RASL10B: variants seen among roughly 807,000 people sequenced by gnomAD.
RASL10B encodes the protein RAS like family 10 member B, also known as ras-like protein family member 10B.
A neutral mutation model predicts 20.7 loss-of-function variants in RASL10B; 10 were observed. The observed-to-expected ratio is 0.48, with a 90% CI of 0.30 to 0.82. The LOEUF is 0.82. RASL10B is among the 40% of genes least tolerant of loss of function. RASL10B has a pLI of 0.07. For synonymous variants in RASL10B, 110 were observed against 123.3 expected, an observed-to-expected ratio of 0.89 and a Z score of 0.72; for missense variants, 231 against 295.4, an observed-to-expected ratio of 0.78 and a Z score of 1.60.
chr17:35,736,228 G>A (rs2085590808), intron 2 of RASL10B, among the ~76,000 whole-genome samples: 1 of 152,228 alleles, frequency 6.6e-6, no homozygotes, highest in Admixed American at 6.5e-5. Context: ...AGGAAGCTGA[G>A]CTCTAGGACA....
Position 35,742,090 on chromosome 17 carries a change from CTTT to C in RASL10B, c.*790_*792del, listed in dbSNP as rs1358533611. On this transcript the variant is annotated 3_prime_UTR_variant, in exon 4 of 4. Coordinates refer to ENST00000603017, the MANE Select transcript of RASL10B (RefSeq NM_033315.4). ...AGCCAGATCACCCCCTGGGTTAAAA[CTTT>C]TTTTCTTTTTTTTTTTTGGACAGAG... The C allele has an allele frequency of 1.5e-5, 2 of 133,602 alleles. No individual in the cohort carries two copies. The highest frequency in any genetic ancestry group is 3.1e-5 in the Non-Finnish European group (2 of 64,330). 8.3% of individuals were successfully genotyped at this position (133,602 alleles called of 1,614,324 possible).
At chr17:35,733,775 G>A (rs916852696) in intron 1 of RASL10B, among the ~76,000 whole-genome samples, 2 of 152,288 alleles carry the variant, frequency 1.3e-5, no homozygotes, top group African/African-American at 4.8e-5. Context: ...CAGAAGTAGG[G>A]GCTGTTGACC....
In RASL10B at chr17:35,735,108, C is replaced by A; in HGVS notation, c.-77C>A. The A allele has an allele frequency of 6.9e-7, 1 of 1,454,918 alleles. No homozygotes were observed. The highest frequency in any genetic ancestry group is 9.4e-7 in the Non-Finnish European group (1 of 1,058,540). 90.1% of individuals were successfully genotyped at this position (1,454,918 alleles called of 1,614,324 possible). A position where few individuals can be genotyped will look rare whatever the true frequency, so the allele number is the denominator to read the frequency against. On this transcript the variant is annotated 5_prime_UTR_variant, in exon 2 of 4. Transcript: ENST00000603017. This position sits in a 1 kb window ranked among gnomAD's most constrained non-coding sequence, Gnocchi z 6.7. ...TGGTTGGTCCTGACGGTGGCTGAGC[C>A]CCCAGCCCCTGGAATATGCAGCCCG... is the stretch of plus-strand genomic sequence containing the variant.
intron 1 of RASL10B, among the ~76,000 whole-genome samples, chr17:35,732,184 C>A (rs1451617848): frequency 6.6e-6 from 1 of 152,218 alleles, no homozygotes; most frequent in African/African-American, 2.4e-5. Context: ...AGCCCACCCC[C>A]AGGCGAACGT....
At position 35,741,240 on chromosome 17, in the gene RASL10B, A is replaced by C. The variant is rs1379402710; in HGVS notation, c.547A>C (p.Lys183Gln). The change falls in exon 4 of 4, where the codon AAG (lysine) becomes CAG (glutamine). Residue 183 changes from lysine to glutamine, a missense_variant. Physicochemically the swap from Lys to Gln is moderately conservative, Grantham distance 53. Coordinates refer to ENST00000603017, the MANE Select transcript of RASL10B (RefSeq NM_033315.4). ...LLKSVGCARC[K>Q]HVHAALRFQG... ...CAAGAGCGTCGGCTGCGCCCGTTGC[A>C]AGCACGTGCACGCTGCCCTGCGCTT... is the stretch of plus-strand genomic sequence containing the variant. The C allele has an allele frequency of 6.2e-7, 1 of 1,601,602 alleles. No individual in the cohort carries two copies. The highest frequency in any genetic ancestry group is 8.5e-7 in the Non-Finnish European group (1 of 1,174,652).
Position 35,741,490 on chromosome 17 carries a change from T to C in RASL10B, c.*185T>C. 1 of 894,994 alleles carries C rather than the reference T, an allele frequency of 1.1e-6. No homozygotes were observed. Among genetic ancestry groups the C allele is most frequent in the Non-Finnish European group, 1.5e-6 (1 of 648,680 alleles). The allele number at this position is 894,994 out of a possible 1,614,324, so 55.4% of individuals were successfully genotyped here. A position where few individuals can be genotyped will look rare whatever the true frequency, so the allele number is the denominator to read the frequency against. On this transcript the variant is annotated 3_prime_UTR_variant, in exon 4 of 4. Coordinates refer to ENST00000603017, the MANE Select transcript of RASL10B (RefSeq NM_033315.4). ...GGAGCCCTCCGTAACTGCCCAGCCC[T>C]GCCCCTTGCCCCCGTGGCTTCCTGG...
At chr17:35,739,132 T>C (rs1368672803) in intron 2 of RASL10B, among the ~76,000 whole-genome samples, 1 of 152,238 alleles carries the variant, frequency 6.6e-6, no homozygotes, top group African/African-American at 2.4e-5. Flanking sequence ...TGCAGCATCT[T>C]CTAAGCCTTT....
At chr17:35,738,390 C>A (rs1463895899) in intron 2 of RASL10B, among the ~76,000 whole-genome samples, 9 of 152,142 alleles carry the variant, frequency 5.9e-5, no homozygotes, top group Non-Finnish European at 1.5e-5. Flanking sequence ...CTGATGGCCA[C>A]CATCTGGAAA....
chr17:35,737,391 A>G (rs1206932708), intron 2 of RASL10B, among the ~76,000 whole-genome samples: 2 of 151,926 alleles, frequency 1.3e-5, no homozygotes, highest in Non-Finnish European at 2.9e-5. Context: ...TTCTTTTTTC[A>G]TGGCCACGCC....
chr17:35,734,920 G>T (rs2085580523), intron 1 of RASL10B, 118 bp from the exon 2 acceptor site: 2 of 542,570 alleles, frequency 3.7e-6, no homozygotes, highest in Non-Finnish European at 6.6e-6. Context: ...CAGGGGTTCT[G>T]GGAGAGGGAA....
intron 2 of RASL10B, among the ~76,000 whole-genome samples, chr17:35,738,669 C>G (rs782573041): frequency 6.6e-6 from 1 of 152,158 alleles, no homozygotes; most frequent in Non-Finnish European, 1.5e-5. Flanking sequence ...AGTTTGGAAC[C>G]CTGCTTCCTC....
rs1568095326 is a variant in RASL10B, at chr17:35,742,325, C to T, written c.*1020C>T. On this transcript the variant is annotated 3_prime_UTR_variant, in exon 4 of 4. Coordinates refer to ENST00000603017, the MANE Select transcript of RASL10B (RefSeq NM_033315.4). ...CCCCGTCTCAACCCCATCTGACTAC[C>T]CCAGACTCTGCCTGCCTCAGATCTC... 1 of 152,382 alleles carries T rather than the reference C, an allele frequency of 6.6e-6. No homozygotes were observed. The highest frequency in any genetic ancestry group is 1.5e-5 in the Non-Finnish European group (1 of 68,210). 9.4% of individuals were successfully genotyped at this position (152,382 alleles called of 1,614,324 possible).
chr17:35,735,208 C>A lies in RASL10B; in HGVS notation c.24C>A (p.Ala8=). Residue 8 remains alanine, a synonymous_variant, in exon 2 of 4, where the codon GCC becomes GCA. Transcript: ENST00000603017. The surrounding 1 kb of genome is among the most constrained non-coding windows in gnomAD (Gnocchi z 6.7). MVSTYRV[A]VLGARGVGKS... ...GCATGGTCTCCACCTACCGGGTGGC[C>A]GTGCTGGGGGCGCGAGGTGTGGGCA... 6.2e-7 allele frequency: 1 copy of A among 1,611,436 alleles called. No homozygotes were observed.
intron 1 of RASL10B, among the ~76,000 whole-genome samples, chr17:35,732,337 T>G (rs1345331280): frequency 1.3e-5 from 2 of 152,298 alleles, no homozygotes; most frequent in East Asian, 3.9e-4. Flanking sequence ...GTGTCTCTGG[T>G]CTCTTGCCTC....
intron 1 of RASL10B, among the ~76,000 whole-genome samples, chr17:35,733,679 A>G (rs2085573169): frequency 6.6e-6 from 1 of 152,260 alleles, no homozygotes; most frequent in African/African-American, 2.4e-5. Flanking sequence ...GGTCTCAGGC[A>G]TGTAACAGCC....
intron 1 of RASL10B, among the ~76,000 whole-genome samples, chr17:35,732,548 T>C (rs1212787768): frequency 6.6e-6 from 1 of 152,188 alleles, no homozygotes; most frequent in Non-Finnish European, 1.5e-5. Flanking sequence ...CGATCGCTTC[T>C]GAGTTGGGGA....
intron 3 of RASL10B, among the ~76,000 whole-genome samples, chr17:35,740,740 T>G (rs1598390663): frequency 6.6e-6 from 1 of 152,220 alleles, no homozygotes. Context: ...GCTAGAGTAG[T>G]GCAGTAGTTA....
At chr17:35,732,185 A>C (rs1027720262) in intron 1 of RASL10B, among the ~76,000 whole-genome samples, 16 of 152,084 alleles carry the variant, frequency 1.1e-4, no homozygotes, top group African/African-American at 3.9e-4. Context: ...GCCCACCCCC[A>C]GGCGAACGTG....
At position 35,734,132 on chromosome 17, in the gene RASL10B, C is replaced by T. The variant is rs587712413; in HGVS notation, c.-147-906C>T. On this transcript the variant is annotated intron_variant, in intron 1 of 3. Coordinates refer to ENST00000603017, the MANE Select transcript of RASL10B (RefSeq NM_033315.4). ...GAAACCCCATCTCTACTAAAAATAC[C>T]AAAATTATCTGGGTGTGGTGGCAGG... 5.5e-4 allele frequency among the ~76,000 whole-genome samples: 83 copies of T among 152,214 alleles called. 1 individual carries two copies. The highest frequency in any genetic ancestry group is 8.3e-4 in the South Asian group (4 of 4,810).
Sources: gnomAD v4.1 joint callset for allele counts (sites outside exome capture counted in the v4.1 genomes callset) on GRCh38, gnomAD v4.1.1 for gene constraint, Gnocchi (gnomAD v3.1) non-coding constraint, MANE v1.5 for transcripts, NCBI Gene and HGNC (gene_info 2026-07-23, HGNC 2026-07-21) for gene names.